Variants in ENTREP2 observed in about 807,000 individuals in gnomAD.
The protein encoded by ENTREP2 is endosomal transmembrane epsin interactor 2, also known as protein ENTREP2.
chr15:29,172,943 C>T, the ENTREP2 span, among the ~76,000 whole-genome samples: 55 of 152,166 alleles, frequency 3.6e-4, no homozygotes, highest in Non-Finnish European at 6.3e-4. Context: ...CAGTCTGTGG[C>T]GGGAGGCCCA....
the ENTREP2 span, among the ~76,000 whole-genome samples, chr15:29,398,511 G>A: frequency 6.6e-6 from 1 of 151,996 alleles, no homozygotes; most frequent in African/African-American, 2.4e-5. Context: ...ATCACTTGAG[G>A]TCAGGAGTCC....
At chr15:29,553,194 G>A in the ENTREP2 span, among the ~76,000 whole-genome samples, 1 of 152,180 alleles carries the variant, frequency 6.6e-6, no homozygotes, top group African/African-American at 2.4e-5. Context: ...TGCTTGGGAG[G>A]CTGAGGCATG....
At chr15:29,348,324 G>T in the ENTREP2 span, among the ~76,000 whole-genome samples, 1 of 146,708 alleles carries the variant, frequency 6.8e-6, no homozygotes, top group Non-Finnish European at 1.5e-5. Flanking sequence ...AATGGAAACA[G>T]GGGGAGGTCT....
chr15:29,473,074 G>T, the ENTREP2 span, among the ~76,000 whole-genome samples: 1 of 152,150 alleles, frequency 6.6e-6, no homozygotes, highest in African/African-American at 2.4e-5. Flanking sequence ...GGGAGGGGCA[G>T]CTCACCAGCA....
the ENTREP2 span, among the ~76,000 whole-genome samples, chr15:29,633,426 T>C: frequency 6.6e-6 from 1 of 152,038 alleles, no homozygotes; most frequent in Non-Finnish European, 1.5e-5. Context: ...TAATTCAATT[T>C]ACATGTAGGA....
chr15:29,333,346 T>C, the ENTREP2 span, among the ~76,000 whole-genome samples: 1 of 152,128 alleles, frequency 6.6e-6, no homozygotes, highest in African/African-American at 2.4e-5. Flanking sequence ...CATGAAGGCC[T>C]TAGAAGGGCC....
the ENTREP2 span, among the ~76,000 whole-genome samples, chr15:29,592,761 T>C: frequency 6.6e-6 from 1 of 152,100 alleles, no homozygotes; most frequent in African/African-American, 2.4e-5. Flanking sequence ...ATTAATGCTG[T>C]CCCTGGTGGG....
At chr15:29,468,823 G>A in the ENTREP2 span, among the ~76,000 whole-genome samples, 344 of 152,076 alleles carry the variant, frequency 2.3e-3, 1 homozygote, top group African/African-American at 7.7e-3. Flanking sequence ...AATCTGTTTT[G>A]AAACTGTTGA....
At chr15:29,414,463 T>C in the ENTREP2 span, among the ~76,000 whole-genome samples, 8 of 151,304 alleles carry the variant, frequency 5.3e-5, no homozygotes, top group Admixed American at 1.3e-4. Context: ...AGAACAAAGA[T>C]ACAACATACC....
At chr15:29,306,137 C>T in the ENTREP2 span, among the ~76,000 whole-genome samples, 1 of 152,228 alleles carries the variant, frequency 6.6e-6, no homozygotes, top group Non-Finnish European at 1.5e-5. Flanking sequence ...GTTGGTGATC[C>T]TTCAGGATGG....
At chr15:29,170,425 G>A in the ENTREP2 span, among the ~76,000 whole-genome samples, 2 of 150,696 alleles carry the variant, frequency 1.3e-5, no homozygotes, top group East Asian at 1.9e-4. Context: ...AAGTAGCCAA[G>A]AATAAATATA....
At chr15:29,589,383 C>T in the ENTREP2 span, among the ~76,000 whole-genome samples, 1 of 152,180 alleles carries the variant, frequency 6.6e-6, no homozygotes, top group African/African-American at 2.4e-5. Flanking sequence ...TTCCATATGA[C>T]CTTCCTGCAC....
chr15:29,157,045 C>G, the ENTREP2 span, among the ~76,000 whole-genome samples: 1 of 152,006 alleles, frequency 6.6e-6, no homozygotes, highest in South Asian at 2.1e-4. Flanking sequence ...AGCCGTGAGC[C>G]GAGATCATGC....
chr15:29,316,192 C>T, the ENTREP2 span, among the ~76,000 whole-genome samples: 10 of 152,094 alleles, frequency 6.6e-5, no homozygotes, highest in South Asian at 8.3e-4. Flanking sequence ...ACCAGTAAAA[C>T]GGGCAGGTGC....
At chr15:29,318,798 T>C in the ENTREP2 span, among the ~76,000 whole-genome samples, 1 of 152,180 alleles carries the variant, frequency 6.6e-6, no homozygotes, top group African/African-American at 2.4e-5. Flanking sequence ...CTCTCCAAGG[T>C]AGGCTTATAC....
chr15:29,273,176 T>C, the ENTREP2 span, among the ~76,000 whole-genome samples: 41,381 of 151,026 alleles, frequency 0.27, 10,668 homozygotes, highest in African/African-American at 0.69. Context: ...TTAATCTCTA[T>C]TATGACTAAT....
the ENTREP2 span, among the ~76,000 whole-genome samples, chr15:29,476,451 A>G: frequency 6.6e-6 from 1 of 152,244 alleles, no homozygotes; most frequent in Non-Finnish European, 1.5e-5. Flanking sequence ...TTCACCAAAC[A>G]GCTACTCAGT....
chr15:29,627,012 T>G, the ENTREP2 span, among the ~76,000 whole-genome samples: 1 of 152,294 alleles, frequency 6.6e-6, no homozygotes, highest in East Asian at 1.9e-4. Flanking sequence ...CTTTGTTATT[T>G]TTTCCTTCTT....
the ENTREP2 span, among the ~76,000 whole-genome samples, chr15:29,202,443 C>G: frequency 6.6e-6 from 1 of 151,966 alleles, no homozygotes; most frequent in Admixed American, 6.6e-5. Context: ...TTGAATCAAG[C>G]TAATTCACAA....
Sources: allele counts gnomAD v4.1 joint callset (sites outside exome capture counted in the v4.1 genomes callset), GRCh38; gene constraint gnomAD v4.1.1; transcripts MANE v1.5; gene names NCBI Gene and HGNC (gene_info 2026-07-23, HGNC 2026-07-21).